RRAS2: variants seen among roughly 807,000 people sequenced by gnomAD.
The protein encoded by RRAS2 is RAS related 2.
Under a neutral mutation model 27.6 loss-of-function variants are expected in RRAS2, and 7 were observed. The ratio of observed to expected loss-of-function variants is 0.25; its 90% CI spans 0.14 to 0.48. The LOEUF is 0.48. Ranked by LOEUF, RRAS2 falls within the 20% of genes least tolerant of loss-of-function variation. The pLI is 0.99. For missense variants in RRAS2, 178 were observed against 256.2 expected (o/e 0.69, Z 2.08); for synonymous variants, 86 against 90.9 (o/e 0.95, Z 0.31).
At chr11:14,318,551 G>A (rs1387861681) in intron 1 of RRAS2, among the ~76,000 whole-genome samples, 1 of 151,840 alleles carries the variant, frequency 6.6e-6, no homozygotes, top group African/African-American at 2.4e-5. Context: ...CCAGGGATGA[G>A]ATGGCACCTA....
At chr11:14,343,648 C>T (rs192305277) in intron 1 of RRAS2, among the ~76,000 whole-genome samples, 40 of 151,334 alleles carry the variant, frequency 2.6e-4, no homozygotes, top group Non-Finnish European at 5.2e-4. Flanking sequence ...CTGGGCAGCA[C>T]GGCGAAACCC....
At chr11:14,330,075 T>G (rs1848455243) in intron 1 of RRAS2, among the ~76,000 whole-genome samples, 2 of 152,074 alleles carry the variant, frequency 1.3e-5, no homozygotes, top group South Asian at 4.2e-4. Context: ...ACCCTATCTC[T>G]TAGAAACAAT....
intron 1 of RRAS2, among the ~76,000 whole-genome samples, chr11:14,298,525 G>C (rs1282985328): frequency 6.6e-6 from 1 of 152,130 alleles, no homozygotes; most frequent in African/African-American, 2.4e-5. Flanking sequence ...CTTAACTCTT[G>C]AAACACAATC....
intron 1 of RRAS2, among the ~76,000 whole-genome samples, chr11:14,346,511 T>A (rs1184283249): frequency 6.6e-6 from 1 of 152,224 alleles, no homozygotes; most frequent in Non-Finnish European, 1.5e-5. Flanking sequence ...GGACCTCTAC[T>A]GTTATAACAC....
At chr11:14,308,262 A>C (rs1373345366) in intron 1 of RRAS2, 3 of 451,926 alleles carry the variant, frequency 6.6e-6, no homozygotes, top group African/African-American at 2.0e-5. Flanking sequence ...CAATTCTTGT[A>C]GCTTTCAAAT....
intron 1 of RRAS2, among the ~76,000 whole-genome samples, chr11:14,328,823 C>T (rs1554951491): frequency 2.0e-5 from 3 of 151,874 alleles, no homozygotes; most frequent in African/African-American, 7.3e-5. Flanking sequence ...CGCCACTATG[C>T]CCAGCTAACT....
intron 1 of RRAS2, among the ~76,000 whole-genome samples, chr11:14,344,801 C>T (rs966598224): frequency 5.9e-5 from 9 of 152,112 alleles, no homozygotes; most frequent in African/African-American, 1.7e-4. Flanking sequence ...CCGAATGCTA[C>T]GGATCAACTT....
intron 1 of RRAS2, among the ~76,000 whole-genome samples, chr11:14,322,638 G>A (rs782139041): frequency 6.6e-6 from 1 of 152,120 alleles, no homozygotes; most frequent in Non-Finnish European, 1.5e-5. Flanking sequence ...TCTGTAATAC[G>A]TATGTTATTG....
At position 14,279,331 on chromosome 11, in the gene RRAS2, G is replaced by C. The variant is rs782232372; in HGVS notation, c.*6C>G. The C allele has an allele frequency of 2.0e-5, 32 of 1,594,374 alleles. No homozygotes were observed. Among genetic ancestry groups the C allele is most frequent in the Middle Eastern group, 1.7e-4 (1 of 5,930 alleles). ...CTGGCCGTTGGTAGCTAAAACTGAA[G>C]GGATTCTAGAAAATGACACAATGGC... On this transcript the variant is annotated 3_prime_UTR_variant, in exon 6 of 6. Transcript: ENST00000256196.
At chr11:14,297,931 TCTC>T (rs1405291406) in intron 1 of RRAS2, among the ~76,000 whole-genome samples, 1 of 150,224 alleles carries the variant, frequency 6.7e-6, no homozygotes. Flanking sequence ...TAGGAAGCCA[TCTC>T]CTCCACCACT....
intron 1 of RRAS2, chr11:14,356,790 G>A (rs782509220): frequency 1.6e-5 from 7 of 442,564 alleles, no homozygotes; most frequent in South Asian, 4.9e-5. Context: ...TTAGGAAAAC[G>A]GCAATTAATG....
intron 1 of RRAS2, among the ~76,000 whole-genome samples, chr11:14,301,809 T>C (rs1341541077): frequency 6.6e-6 from 1 of 151,940 alleles, no homozygotes; most frequent in African/African-American, 2.4e-5. Context: ...TGAAACCCCG[T>C]GTCTACTAAA....
intron 4 of RRAS2, among the ~76,000 whole-genome samples, chr11:14,289,186 G>A (rs1365043087): frequency 3.3e-5 from 5 of 152,148 alleles, no homozygotes; most frequent in African/African-American, 1.2e-4. Context: ...ACTGACAGAT[G>A]GGAGTCTGGA....
intron 1 of RRAS2, among the ~76,000 whole-genome samples, chr11:14,314,370 A>C (rs1848045123): frequency 6.6e-6 from 1 of 152,148 alleles, no homozygotes; most frequent in African/African-American, 2.4e-5. Context: ...TTGGGTCCTA[A>C]ACTGTTCTGG....
At chr11:14,310,224 G>A (rs909538739) in intron 1 of RRAS2, among the ~76,000 whole-genome samples, 10 of 152,204 alleles carry the variant, frequency 6.6e-5, no homozygotes, top group African/African-American at 2.4e-4. Context: ...AGAGAATGGA[G>A]GAAGAATACA....
chr11:14,286,316 T>C (rs924719415), intron 4 of RRAS2, among the ~76,000 whole-genome samples: 2 of 152,196 alleles, frequency 1.3e-5, no homozygotes, highest in Non-Finnish European at 2.9e-5. Context: ...ATATTTTGTA[T>C]TCCTAAACAC....
At position 14,358,637 on chromosome 11, in the gene RRAS2, C is replaced by CCCCTGG; in HGVS notation, c.108+120_108+125dup. On this transcript the variant is annotated intron_variant, in intron 1 of 5. Coordinates refer to ENST00000256196, the MANE Select transcript of RRAS2 (RefSeq NM_012250.6). The surrounding 1 kb of genome is among the most constrained non-coding windows in gnomAD (Gnocchi z 5.1). ...CGTAGTCGGCCCCGCGCCCTCCCGC[C>CCCCTGG]CCCTGGCCCCGGCCCGGGCCCGCGA... 1 of 977,120 alleles carries CCCCTGG rather than the reference C, an allele frequency of 1.0e-6. No individual in the cohort carries two copies. The highest frequency in any genetic ancestry group is 1.2e-6 in the Non-Finnish European group (1 of 821,852). 60.5% of individuals were successfully genotyped at this position (977,120 alleles called of 1,614,324 possible). A position where few individuals can be genotyped will look rare whatever the true frequency, so the allele number is the denominator to read the frequency against.
chr11:14,279,806 A>T (rs971718054), intron 5 of RRAS2, among the ~76,000 whole-genome samples: 5 of 152,200 alleles, frequency 3.3e-5, no homozygotes, highest in African/African-American at 9.7e-5. Flanking sequence ...GCCATTTTTT[A>T]AATTCAGTAT....
chr11:14,325,865 T>G (rs1209770730), intron 1 of RRAS2, among the ~76,000 whole-genome samples: 1 of 152,198 alleles, frequency 6.6e-6, no homozygotes, highest in East Asian at 1.9e-4. Context: ...ATCTTCTACT[T>G]GATTTGTAAA....
Sources: allele counts gnomAD v4.1 joint callset (sites outside exome capture counted in the v4.1 genomes callset), GRCh38; gene constraint gnomAD v4.1.1; non-coding constraint Gnocchi (gnomAD v3.1); transcripts MANE v1.5; gene names NCBI Gene and HGNC (gene_info 2026-07-23, HGNC 2026-07-21).